TSHZ3: variants seen among roughly 807,000 people sequenced by gnomAD.
TSHZ3 encodes the protein teashirt zinc finger homeobox 3.
In TSHZ3, 10 loss-of-function variants were observed where a neutral mutation model predicts 64.5. That is an observed-to-expected ratio of 0.16 (90% CI 0.10 to 0.26). TSHZ3 has a LOEUF of 0.26. Ranked by LOEUF, TSHZ3 falls within the 10% of genes least tolerant of loss-of-function variation. TSHZ3 has a pLI of 1.00. For synonymous variants in TSHZ3, 608 were observed against 593.1 expected (o/e 1.03, Z -0.36); for missense variants, 1,242 against 1,421.7 (o/e 0.87, Z 2.03).
chr19:31,164,033 G>A (rs1974407745), intron 5 of TSHZ3, among the ~76,000 whole-genome samples: 1 of 152,204 alleles, frequency 6.6e-6, no homozygotes, highest in Non-Finnish European at 1.5e-5. Context: ...TGCTTACAGT[G>A]AGCAGGTGGT....
At chr19:31,183,215 TCTC>T (rs1568339999) in intron 5 of TSHZ3, among the ~76,000 whole-genome samples, 100 of 100,338 alleles carry the variant, frequency 1.0e-3, no homozygotes, top group African/African-American at 5.4e-3. Context: ...TCTCTCTCTC[TCTC>T]TCTCTCTCTT....
At chr19:31,240,908 C>T (rs1186056555) in intron 3 of TSHZ3, among the ~76,000 whole-genome samples, 2 of 152,134 alleles carry the variant, frequency 1.3e-5, no homozygotes, top group East Asian at 3.9e-4. Flanking sequence ...GATTCTTTTT[C>T]TATTCAATCA....
intron 5 of TSHZ3, among the ~76,000 whole-genome samples, chr19:31,175,904 G>T (rs1028360383): frequency 6.6e-6 from 1 of 152,228 alleles, no homozygotes; most frequent in African/African-American, 2.4e-5. Context: ...GAAGGTTCTG[G>T]TCTGGGAATC....
At chr19:31,201,194 T>C (rs530496622) in intron 5 of TSHZ3, among the ~76,000 whole-genome samples, 8 of 152,228 alleles carry the variant, frequency 5.3e-5, no homozygotes, top group South Asian at 2.1e-4. Context: ...CTGGGGCAAA[T>C]TGTAATCATT....
intron 1 of TSHZ3, among the ~76,000 whole-genome samples, chr19:31,317,434 C>T (rs1047346377): frequency 6.6e-6 from 1 of 152,168 alleles, no homozygotes; most frequent in African/African-American, 2.4e-5. Context: ...CACCATACAA[C>T]CCAGGACCTG....
intron 1 of TSHZ3, among the ~76,000 whole-genome samples, chr19:31,314,722 G>C (rs187394601): frequency 1.5e-4 from 23 of 152,306 alleles, no homozygotes; most frequent in Admixed American, 1.3e-3. Context: ...GAAATTAACC[G>C]TTTGGATGAA....
At chr19:31,171,959 G>C (rs1002748302) in intron 5 of TSHZ3, among the ~76,000 whole-genome samples, 1 of 152,162 alleles carries the variant, frequency 6.6e-6, no homozygotes, top group African/African-American at 2.4e-5. Flanking sequence ...CCTCAGTGAA[G>C]ACCCATTTGT....
chr19:31,316,446 G>T (rs1488312055), intron 1 of TSHZ3, among the ~76,000 whole-genome samples: 1 of 152,164 alleles, frequency 6.6e-6, no homozygotes, highest in Non-Finnish European at 1.5e-5. Context: ...GAAGTGGTGT[G>T]TACGAGGCCT....
chr19:31,326,755 G>A (rs749830191), intron 1 of TSHZ3, among the ~76,000 whole-genome samples: 9 of 152,240 alleles, frequency 5.9e-5, no homozygotes, highest in Non-Finnish European at 8.8e-5. Context: ...AGACAGGAGG[G>A]AAAGGCAGTT....
intron 1 of TSHZ3, among the ~76,000 whole-genome samples, chr19:31,329,208 C>T (rs1917007976): frequency 6.6e-6 from 1 of 152,192 alleles, no homozygotes; most frequent in African/African-American, 2.4e-5. Flanking sequence ...AGAAATGTTA[C>T]AGGAACTGCT....
At chr19:31,334,822 A>G (rs1157219428) in intron 1 of TSHZ3, among the ~76,000 whole-genome samples, 1 of 152,166 alleles carries the variant, frequency 6.6e-6, no homozygotes, top group Admixed American at 6.5e-5. Context: ...CCTGGCTCCC[A>G]TGTCAGAGAA....
intron 1 of TSHZ3, among the ~76,000 whole-genome samples, chr19:31,288,597 T>C (rs1412277312): frequency 1.3e-5 from 2 of 151,890 alleles, no homozygotes; most frequent in African/African-American, 2.4e-5. Flanking sequence ...GCCTGGAGTG[T>C]AGTGGTGTGA....
chr19:31,164,027 T>C (rs1417118968), intron 5 of TSHZ3, among the ~76,000 whole-genome samples: 1 of 152,132 alleles, frequency 6.6e-6, no homozygotes, highest in East Asian at 1.9e-4. Flanking sequence ...AGTTGGTGCT[T>C]ACAGTGAGCA....
At chr19:31,232,293 T>G (rs1328356012) in intron 3 of TSHZ3, among the ~76,000 whole-genome samples, 1 of 151,698 alleles carries the variant, frequency 6.6e-6, no homozygotes, top group Admixed American at 6.6e-5. Flanking sequence ...GAAAAAAAAG[T>G]CAATGAATAA....
chr19:31,284,044 C>G (rs1010973192), intron 1 of TSHZ3, among the ~76,000 whole-genome samples: 1 of 152,160 alleles, frequency 6.6e-6, no homozygotes, highest in Non-Finnish European at 1.5e-5. Flanking sequence ...TGGGAAATTC[C>G]GCTACTGTCT....
intron 1 of TSHZ3, among the ~76,000 whole-genome samples, chr19:31,246,641 CA>C (rs1457332571): frequency 6.6e-6 from 1 of 151,938 alleles, no homozygotes; most frequent in Admixed American, 6.6e-5. Context: ...TGAGGGAGGT[CA>C]GGGGAGAGAA....
exon 7 of TSHZ3, among the ~76,000 whole-genome samples, chr19:31,151,398 G>A (rs574883790): frequency 6.6e-6 from 1 of 152,092 alleles, no homozygotes; most frequent in South Asian, 2.1e-4. Flanking sequence ...AAATTAACAT[G>A]AGCCATCTTC....
Position 31,209,771 on chromosome 19 carries a change from T to A in TSHZ3, n.687-4693A>T, listed in dbSNP as rs942171994. ...GCATAAGGTGTGGGAATGGTGTTTG[T>A]CAGCAGTTGGGATGAGCAGTGATGC... On this transcript the variant is annotated intron_variant and non_coding_transcript_variant, in intron 4 of 6. Transcript: ENST00000651361. Among the ~76,000 whole-genome samples the A allele has an allele frequency of 3.3e-5, 5 of 152,116 alleles. No individual in the cohort carries two copies. The East Asian group carries it at 7.7e-4, about 24-fold the overall frequency.
intron 5 of TSHZ3, among the ~76,000 whole-genome samples, chr19:31,161,257 C>T (rs1375391648): frequency 6.6e-6 from 1 of 152,092 alleles, no homozygotes; most frequent in Non-Finnish European, 1.5e-5. Context: ...GTATGATTTC[C>T]TACAGTGTAT....
Sources: gnomAD v4.1 joint callset for allele counts (sites outside exome capture counted in the v4.1 genomes callset) on GRCh38, gnomAD v4.1.1 for gene constraint, MANE v1.5 for transcripts, NCBI Gene and HGNC (gene_info 2026-07-23, HGNC 2026-07-21) for gene names.